Variants in NRXN3 observed in about 807,000 individuals in gnomAD.
The protein encoded by NRXN3 is neurexin III.
Under a neutral mutation model 137.6 loss-of-function variants are expected in NRXN3, and 32 were observed. The observed-to-expected ratio is 0.23, with a 90% CI of 0.18 to 0.31. The LOEUF (loss-of-function observed/expected upper bound fraction) is 0.31, where lower values mean the gene tolerates loss of function less well. Among genes scored for constraint, NRXN3 ranks in the 10% least tolerant of loss-of-function variants. The pLI, the probability that NRXN3 is intolerant of heterozygous loss-of-function variation, is 1.00. For missense variants in NRXN3, 1,574 were observed against 2,062.5 expected (o/e 0.76, Z 4.59); for synonymous variants, 798 against 784.5 (o/e 1.02, Z -0.29).
intron 7 of NRXN3, 24 bp from the exon 8 acceptor site, chr14:78,714,732 C>G (rs1263754727): frequency 6.2e-7 from 1 of 1,605,372 alleles, no homozygotes; most frequent in Non-Finnish European, 8.5e-7. Flanking sequence ...GCAGACTCAC[C>G]TGAGATCTGT....
intron 20 of NRXN3, among the ~76,000 whole-genome samples, chr14:79,827,940 C>A (rs1603617356): frequency 6.6e-6 from 1 of 152,092 alleles, no homozygotes; most frequent in African/African-American, 2.4e-5. Flanking sequence ...AAGTGATTTG[C>A]CCGCCTTGGT....
At chr14:79,600,885 GAAGGAAGACA>G (rs2097914321) in intron 16 of NRXN3, among the ~76,000 whole-genome samples, 1 of 151,998 alleles carries the variant, frequency 6.6e-6, no homozygotes, top group African/African-American at 2.4e-5. Flanking sequence ...AAAGAAAAAG[GAAGGAAGACA>G]AGGGAAGGGA....
intron 16 of NRXN3, among the ~76,000 whole-genome samples, chr14:79,531,621 G>C (rs183259561): frequency 6.6e-6 from 1 of 152,148 alleles, no homozygotes; most frequent in Non-Finnish European, 1.5e-5. Context: ...ATATGAATCA[G>C]TATTAAGAAA....
intron 6 of NRXN3, among the ~76,000 whole-genome samples, chr14:78,701,958 G>A (rs571678193): frequency 6.6e-6 from 1 of 152,312 alleles, no homozygotes; most frequent in African/African-American, 2.4e-5. Flanking sequence ...GGGACTATGA[G>A]CCCCAGGTTG....
intron 15 of NRXN3, among the ~76,000 whole-genome samples, chr14:79,005,655 G>A (rs2099550867): frequency 1.3e-5 from 2 of 152,028 alleles, no homozygotes; most frequent in South Asian, 2.1e-4. Context: ...CTTCCCCAAC[G>A]TGCCCTAAAC....
chr14:78,732,282 T>C (rs2098519646), intron 8 of NRXN3, among the ~76,000 whole-genome samples: 1 of 152,154 alleles, frequency 6.6e-6, no homozygotes, highest in African/African-American at 2.4e-5. Flanking sequence ...CTATACCCAC[T>C]CTAGTGGAAG....
intron 16 of NRXN3, among the ~76,000 whole-genome samples, chr14:79,532,483 A>G (rs1304174665): frequency 6.6e-6 from 1 of 152,316 alleles, no homozygotes; most frequent in Non-Finnish European, 1.5e-5. Flanking sequence ...AGCATGAGAC[A>G]CAGTGGGCTG....
intron 1 of NRXN3, chr14:78,231,353 G>C (rs1293322717): frequency 6.6e-6 from 1 of 152,460 alleles, no homozygotes; most frequent in South Asian, 2.1e-4. Flanking sequence ...GTCCTTCTAG[G>C]CATCACAGTG....
chr14:78,892,774 C>CTGTGTGTGTGTGTGTGTGTG (rs58718552), intron 10 of NRXN3, among the ~76,000 whole-genome samples: 317 of 140,114 alleles, frequency 2.3e-3, no homozygotes, highest in Middle Eastern at 3.6e-3. Flanking sequence ...CCCCCATCTT[C>CTGTGTGTGTGTGTGTGTGTG]TGTGTGTGTG....
chr14:78,480,424 C>A lies in NRXN3; in HGVS notation c.758-164696C>A, dbSNP rs537181590. The stretch of plus-strand genomic sequence containing the variant: ...TAAAAGTTAGATTCCCAAGTCAGAG[C>A]TCCAGAGAGTCCCAGCTCTGGGTGG... On this transcript the variant is annotated intron_variant, in intron 4 of 20. Transcript: ENST00000335750. Among the ~76,000 whole-genome samples the A allele has an allele frequency of 1.1e-3, 170 of 152,272 alleles. 2 individuals carry two copies. Among genetic ancestry groups the A allele is most frequent in the Non-Finnish European group, 7.2e-4 (49 of 68,024 alleles).
chr14:79,197,641 A>G, intron 15 of NRXN3, among the ~76,000 whole-genome samples: 1 of 150,808 alleles, frequency 6.6e-6, no homozygotes, highest in East Asian at 2.0e-4. Flanking sequence ...GTTGTCGCTG[A>G]CTCCACTGTC....
chr14:79,408,483 T>C (rs1044567142), intron 15 of NRXN3, among the ~76,000 whole-genome samples: 2 of 152,154 alleles, frequency 1.3e-5, no homozygotes, highest in African/African-American at 4.8e-5. Flanking sequence ...TGTGAATTTG[T>C]AGTCTGATGA....
At chr14:78,766,058 T>C (rs1420286522) in intron 8 of NRXN3, among the ~76,000 whole-genome samples, 1 of 152,190 alleles carries the variant, frequency 6.6e-6, no homozygotes, top group Non-Finnish European at 1.5e-5. Context: ...GAGGTTTCAG[T>C]TGGTGCCAGA....
chr14:79,051,856 G>T (rs750007190), intron 15 of NRXN3, among the ~76,000 whole-genome samples: 1 of 152,176 alleles, frequency 6.6e-6, no homozygotes, highest in African/African-American at 2.4e-5. Context: ...GACGGATATC[G>T]AACTTGACCT....
intron 15 of NRXN3, among the ~76,000 whole-genome samples, chr14:79,257,289 A>G (rs1320575489): frequency 7.3e-6 from 1 of 137,846 alleles, no homozygotes; most frequent in Non-Finnish European, 1.5e-5. Flanking sequence ...TCCAGATGTC[A>G]GCTATTTAAA....
intron 4 of NRXN3, among the ~76,000 whole-genome samples, chr14:78,615,444 C>CAAAAA (rs11456993): frequency 5.8e-5 from 7 of 120,910 alleles, no homozygotes; most frequent in African/African-American, 1.8e-4. Context: ...ACTGAAAATA[C>CAAAAA]AAAAAAAAAA....
chr14:79,046,508 C>T (rs1201432623), intron 15 of NRXN3, among the ~76,000 whole-genome samples: 1 of 152,136 alleles, frequency 6.6e-6, no homozygotes, highest in Non-Finnish European at 1.5e-5. Context: ...CCTGAGTATA[C>T]CTAAATCAGC....
intron 19 of NRXN3, among the ~76,000 whole-genome samples, chr14:79,799,475 A>C (rs1367923147): frequency 6.6e-6 from 1 of 152,198 alleles, no homozygotes; most frequent in Non-Finnish European, 1.5e-5. Context: ...GAAAGGAGAG[A>C]AGTCTGATAG....
intron 10 of NRXN3, among the ~76,000 whole-genome samples, chr14:78,883,837 G>A (rs2099135849): frequency 6.6e-6 from 1 of 152,182 alleles, no homozygotes; most frequent in South Asian, 2.1e-4. Context: ...CACCTGTGAT[G>A]AATTTGTTGC....
Sources: gnomAD v4.1 joint callset for allele counts (sites outside exome capture counted in the v4.1 genomes callset) on GRCh38, gnomAD v4.1.1 for gene constraint, MANE v1.5 for transcripts, NCBI Gene and HGNC (gene_info 2026-07-23, HGNC 2026-07-21) for gene names.